WWOX: variants seen among roughly 807,000 people sequenced by gnomAD.
WWOX encodes WW domain-containing oxidoreductase.
In WWOX, 69 loss-of-function variants were observed where a neutral mutation model predicts 46.2. That is an observed-to-expected ratio of 1.49 (90% CI 1.23 to 1.82). The LOEUF (loss-of-function observed/expected upper bound fraction) is 1.82, where lower values mean the gene tolerates loss of function less well. WWOX is among the 40% of genes most tolerant of loss of function. The pLI, the probability that WWOX is intolerant of heterozygous loss-of-function variation, is 0.00. For missense variants in WWOX, 919 were observed against 542.6 expected (o/e 1.69, Z -6.89); for synonymous variants, 359 against 202.6 (o/e 1.77, Z -6.56).
At chr16:79,091,046 C>A (rs2048949653) in intron 8 of WWOX, among the ~76,000 whole-genome samples, 1 of 152,090 alleles carries the variant, frequency 6.6e-6, no homozygotes, top group African/African-American at 2.4e-5. Flanking sequence ...CATCGGCCTC[C>A]CAAAGTACTG....
chr16:78,179,858 C>T (rs885734), intron 5 of WWOX: 117,568 of 152,116 alleles, frequency 0.77, 45,915 homozygotes, highest in African/African-American at 0.9. Context: ...AGTAGCATAG[C>T]GCCTGGTCAA....
At chr16:78,224,171 T>A (rs573391117) in intron 5 of WWOX, among the ~76,000 whole-genome samples, 1 of 152,146 alleles carries the variant, frequency 6.6e-6, no homozygotes, top group Admixed American at 6.5e-5. Flanking sequence ...GCCCAGCTAA[T>A]TTTTTGTAAT....
intron 5 of WWOX, among the ~76,000 whole-genome samples, chr16:78,355,003 A>G (rs562189790): frequency 6.6e-6 from 1 of 152,124 alleles, no homozygotes; most frequent in East Asian, 1.9e-4. Flanking sequence ...GTGGTGGTGC[A>G]TGTCTGTAGT....
chr16:78,993,798 A>C (rs1299432815), intron 8 of WWOX, among the ~76,000 whole-genome samples: 1 of 152,182 alleles, frequency 6.6e-6, no homozygotes, highest in East Asian at 1.9e-4. Flanking sequence ...TTCGTGGTGC[A>C]GCTTGGATGG....
intron 8 of WWOX, among the ~76,000 whole-genome samples, chr16:79,033,132 G>A (rs930168167): frequency 6.1e-5 from 9 of 147,266 alleles, no homozygotes; most frequent in African/African-American, 9.9e-5. Flanking sequence ...AGTATTCCAC[G>A]GTGTAGATGT....
chr16:78,693,312 G>A (rs992724530), intron 8 of WWOX, among the ~76,000 whole-genome samples: 4 of 152,014 alleles, frequency 2.6e-5, no homozygotes, highest in African/African-American at 9.7e-5. Flanking sequence ...ACTACCCACA[G>A]GACCCTCTGC....
chr16:78,868,353 T>A (rs907296103), intron 8 of WWOX, among the ~76,000 whole-genome samples: 4 of 151,276 alleles, frequency 2.6e-5, no homozygotes, highest in African/African-American at 7.3e-5. Context: ...GCAAACAGAA[T>A]GATGGTTGCC....
At chr16:78,909,373 T>G (rs1400144319) in intron 8 of WWOX, among the ~76,000 whole-genome samples, 1 of 152,172 alleles carries the variant, frequency 6.6e-6, no homozygotes, top group Non-Finnish European at 1.5e-5. Context: ...TATTCTCTGT[T>G]CAGCTGTTAA....
chr16:78,328,846 T>TCTTTG (rs1236673414), intron 5 of WWOX, among the ~76,000 whole-genome samples: 1 of 152,022 alleles, frequency 6.6e-6, no homozygotes, highest in African/African-American at 2.4e-5. Flanking sequence ...TCTTTTCTTT[T>TCTTTG]GTTTTCTTTT....
intron 6 of WWOX, among the ~76,000 whole-genome samples, chr16:78,422,796 T>C (rs1232032627): frequency 1.7e-5 from 2 of 121,118 alleles, no homozygotes; most frequent in African/African-American, 9.0e-5. Flanking sequence ...CACACACACA[T>C]ATATATACAC....
In WWOX at chr16:78,345,304, C is replaced by G. The variant is rs2081074472; in HGVS notation, c.517-41556C>G. On this transcript the variant is annotated intron_variant, in intron 5 of 8. Transcript: ENST00000566780. ...TATTTAATGGCAAAAGTCACAATTA[C>G]TTTTGTACCAACGTAATAGAATTAA... is the stretch of plus-strand genomic sequence containing the variant. 1.8e-5 allele frequency among the ~76,000 whole-genome samples: 2 copies of G among 112,852 alleles called. 1 individual carries two copies. The highest frequency in any genetic ancestry group is 4.2e-5 in the Non-Finnish European group (2 of 47,958). 74.0% of individuals were successfully genotyped at this position (112,852 alleles called of 152,430 possible).
intron 8 of WWOX, among the ~76,000 whole-genome samples, chr16:78,482,771 G>A (rs879790411): frequency 2.6e-5 from 4 of 152,146 alleles, no homozygotes; most frequent in Non-Finnish European, 4.4e-5. Flanking sequence ...CTTGTTGTAC[G>A]AGAGTCAACG....
rs115912635 is a variant in WWOX, at chr16:78,321,302, A to G, written c.517-65558A>G. Among the ~76,000 whole-genome samples the G allele has an allele frequency of 7.8e-3, 546 of 70,042 alleles. 6 individuals carry two copies. The highest frequency in any genetic ancestry group is 0.02 in the East Asian group (22 of 1,128). 46.0% of individuals were successfully genotyped at this position (70,042 alleles called of 152,430 possible). A position where few individuals can be genotyped will look rare whatever the true frequency, so the allele number is the denominator to read the frequency against. On this transcript the variant is annotated intron_variant, in intron 5 of 8. Coordinates refer to ENST00000566780, the MANE Select transcript of WWOX (RefSeq NM_016373.4). ...AATATATATATATACGTATATATAT[A>G]CGTATATATATGCGTATATATATAC...
chr16:79,002,551 G>A (rs1458188410), intron 8 of WWOX, among the ~76,000 whole-genome samples: 2 of 152,242 alleles, frequency 1.3e-5, no homozygotes, highest in South Asian at 4.1e-4. Flanking sequence ...TAAACCTGAT[G>A]ACCCTTGCCA....
intron 8 of WWOX, among the ~76,000 whole-genome samples, chr16:78,471,997 C>G (rs1377212956): frequency 2.0e-5 from 3 of 152,082 alleles, no homozygotes; most frequent in Admixed American, 6.5e-5. Context: ...TCCAATGTTT[C>G]ACTTTATTCA....
chr16:78,142,497 G>A (rs1282462011), intron 4 of WWOX, among the ~76,000 whole-genome samples: 1 of 152,196 alleles, frequency 6.6e-6, no homozygotes, highest in Non-Finnish European at 1.5e-5. Context: ...CATTCTCACA[G>A]TTATATTTGT....
At chr16:78,568,538 C>G (rs1014240673) in intron 8 of WWOX, among the ~76,000 whole-genome samples, 1 of 149,926 alleles carries the variant, frequency 6.7e-6, no homozygotes, top group Non-Finnish European at 1.5e-5. Context: ...TGCAGTGGCC[C>G]GATCCTGGGT....
intron 8 of WWOX, among the ~76,000 whole-genome samples, chr16:78,740,600 G>A (rs2049196973): frequency 6.6e-6 from 1 of 152,156 alleles, no homozygotes; most frequent in African/African-American, 2.4e-5. Context: ...TTCAGGCATG[G>A]GGCGCCGTTT....
intron 5 of WWOX, among the ~76,000 whole-genome samples, chr16:78,281,337 A>T (rs376930192): frequency 2.6e-5 from 4 of 152,188 alleles, no homozygotes; most frequent in African/African-American, 4.8e-5. Flanking sequence ...TCCAAACTAT[A>T]TCAGGATCCC....
Sources: allele counts gnomAD v4.1 joint callset (sites outside exome capture counted in the v4.1 genomes callset), GRCh38; gene constraint gnomAD v4.1.1; transcripts MANE v1.5; gene names NCBI Gene and HGNC (gene_info 2026-07-23, HGNC 2026-07-21).